Variants in CTNNA3 observed in about 807,000 individuals in gnomAD.
The protein encoded by CTNNA3 is catenin alpha 3, also known as catenin alpha-3.
Under a neutral mutation model 95.7 loss-of-function variants are expected in CTNNA3, and 76 were observed. That is an observed-to-expected ratio of 0.79 (90% CI 0.66 to 0.96). The LOEUF (loss-of-function observed/expected upper bound fraction) is 0.96, where lower values mean the gene tolerates loss of function less well. CTNNA3 is among the 40% of genes least tolerant of loss of function. The probability of loss-of-function intolerance (pLI) is 0.00; values close to 1 mark genes in which losing one functional copy is unlikely to be tolerated. For missense variants in CTNNA3, 1,191 were observed against 1,089.8 expected, an observed-to-expected ratio of 1.09 and a Z score of -1.31; for synonymous variants, 431 against 374.4, an observed-to-expected ratio of 1.15 and a Z score of -1.74.
chr10:66,911,268 GCATTA>G (rs1248485510), intron 7 of CTNNA3, among the ~76,000 whole-genome samples: 2 of 152,182 alleles, frequency 1.3e-5, no homozygotes, highest in African/African-American at 2.4e-5. Flanking sequence ...AGAATGCCAT[GCATTA>G]AATTCAAGTT....
At chr10:66,660,673 G>A (rs1460625016) in intron 9 of CTNNA3, among the ~76,000 whole-genome samples, 2 of 152,128 alleles carry the variant, frequency 1.3e-5, no homozygotes, top group Non-Finnish European at 2.9e-5. Flanking sequence ...TCCCTAGAAT[G>A]ATTTCTCCTC....
chr10:66,638,414 A>T lies in CTNNA3; in HGVS notation c.1282-16630T>A, dbSNP rs536332419. 6.7e-3 allele frequency among the ~76,000 whole-genome samples: 1,026 copies of T among 152,250 alleles called. 14 individuals are homozygous for T. Among genetic ancestry groups the T allele is most frequent in the Middle Eastern group, 0.014 (4 of 294 alleles). ...CTAGAAGCGGACTTTAATTGAATAT[A>T]ATATCCTCCCGCCGCCGCCCACCCC... On this transcript the variant is annotated intron_variant, in intron 9 of 17. Coordinates refer to ENST00000433211, the MANE Select transcript of CTNNA3 (RefSeq NM_013266.4).
intron 16 of CTNNA3, among the ~76,000 whole-genome samples, chr10:65,974,871 C>A (rs770760264): frequency 3.9e-5 from 6 of 151,902 alleles, no homozygotes; most frequent in Non-Finnish European, 8.8e-5. Flanking sequence ...TTTTGTATAT[C>A]TTAAATATAT....
At chr10:66,629,803 G>T (rs1845069355) in intron 9 of CTNNA3, among the ~76,000 whole-genome samples, 1 of 151,978 alleles carries the variant, frequency 6.6e-6, no homozygotes, top group African/African-American at 2.4e-5. Flanking sequence ...GTTCTCTGTT[G>T]GCTGGAATGC....
At chr10:66,867,789 TAC>T (rs1448083666) in intron 7 of CTNNA3, among the ~76,000 whole-genome samples, 1 of 151,654 alleles carries the variant, frequency 6.6e-6, no homozygotes, top group African/African-American at 2.4e-5. Context: ...TTTTTCAATG[TAC>T]AGATACACAT....
intron 5 of CTNNA3, among the ~76,000 whole-genome samples, chr10:67,438,119 G>A (rs549018460): frequency 6.6e-6 from 1 of 152,244 alleles, no homozygotes; most frequent in Non-Finnish European, 1.5e-5. Flanking sequence ...GGGTCAGGGA[G>A]CACTACCGAC....
chr10:66,664,654 CT>C (rs1358733964), intron 9 of CTNNA3, among the ~76,000 whole-genome samples: 3 of 151,936 alleles, frequency 2.0e-5, no homozygotes, highest in Non-Finnish European at 2.9e-5. Context: ...TGTTCCGTCT[CT>C]CCTACTCTTC....
chr10:67,469,621 C>A (rs142090759), intron 5 of CTNNA3, among the ~76,000 whole-genome samples: 1,822 of 150,920 alleles, frequency 0.012, 21 homozygotes, highest in Non-Finnish European at 0.018. Flanking sequence ...GGGTGGGGGG[C>A]TAGAAGAGTG....
At chr10:66,054,909 G>A (rs2080045537) in intron 15 of CTNNA3, among the ~76,000 whole-genome samples, 1 of 152,168 alleles carries the variant, frequency 6.6e-6, no homozygotes, top group East Asian at 1.9e-4. Context: ...TATAGTGAGA[G>A]ATAGAGGTCT....
intron 4 of CTNNA3, among the ~76,000 whole-genome samples, chr10:67,536,195 T>C (rs1840481155): frequency 6.6e-6 from 1 of 152,108 alleles, no homozygotes; most frequent in African/African-American, 2.4e-5. Flanking sequence ...TCAAAAAATT[T>C]TTAGCCTAGA....
Position 67,743,861 on chromosome 10 carries a change from GACAA to G in CTNNA3, c.-2+19569_-2+19572del, listed in dbSNP as rs563661019. Among the ~76,000 whole-genome samples, 1,302 of 150,994 alleles carry G rather than the reference GACAA, an allele frequency of 8.6e-3. 35 individuals carry two copies. The highest frequency in any genetic ancestry group is 0.029 in the African/African-American group (1,207 of 41,298). On this transcript the variant is annotated intron_variant, in intron 1 of 17. Coordinates refer to the CTNNA3 transcript ENST00000684154. ...CAAGCATTCTTATACACCAATAACA[GACAA>G]ACAGAGAGCCAAATCATGAGTGAAC...
chr10:66,677,306 T>C (rs10740248), intron 9 of CTNNA3, among the ~76,000 whole-genome samples: 136,633 of 152,134 alleles, frequency 0.9, 61,558 homozygotes, highest in East Asian at 1. Context: ...TAGTGAAGAA[T>C]TAGCACTTTG....
At chr10:67,249,073 C>T (rs1866010659) in intron 5 of CTNNA3, among the ~76,000 whole-genome samples, 1 of 151,830 alleles carries the variant, frequency 6.6e-6, no homozygotes, top group African/African-American at 2.4e-5. Context: ...GCACAAACAG[C>T]AAAAGAAAAG....
chr10:66,280,555 AC>A lies in CTNNA3; in HGVS notation c.1798del (p.Val600CysfsTer26). 1 of 1,609,538 alleles carries A rather than the reference AC, an allele frequency of 6.2e-7. No homozygotes were observed. The highest frequency in any genetic ancestry group is 8.5e-7 in the Non-Finnish European group (1 of 1,177,354). On this transcript the variant is annotated frameshift_variant, in exon 13 of 18. Coordinates refer to ENST00000433211, the MANE Select transcript of CTNNA3 (RefSeq NM_013266.4). LOFTEE classifies it high-confidence loss of function. Reference sequence around the variant, plus strand: ...GTCCACAAATTGATTATCATCCAACACATTCAATGAGCTTTTGCTTAAGGCT... The same window carrying A: ...GTCCACAAATTGATTATCATCCAACAATTCAATGAGCTTTTGCTTAAGGCT... ...LEALSKSSLN[V>X]LDDNQFVDIS... is the part of the protein sequence containing the mutation.
At chr10:67,131,548 T>C (rs1216570547) in intron 7 of CTNNA3, among the ~76,000 whole-genome samples, 1 of 152,030 alleles carries the variant, frequency 6.6e-6, no homozygotes, top group Non-Finnish European at 1.5e-5. Flanking sequence ...GGAGGCTTGG[T>C]TCCCACTGCA....
chr10:66,462,166 C>T (rs929421286), intron 11 of CTNNA3, among the ~76,000 whole-genome samples: 1 of 151,874 alleles, frequency 6.6e-6, no homozygotes, highest in South Asian at 2.1e-4. Context: ...ATATAAATTC[C>T]CTCCATATAG....
intron 9 of CTNNA3, among the ~76,000 whole-genome samples, chr10:66,752,810 C>A (rs1277455838): frequency 2.0e-5 from 3 of 151,978 alleles, no homozygotes; most frequent in Non-Finnish European, 4.4e-5. Context: ...TCTCAGATGA[C>A]ATGATCTTGT....
chr10:66,936,318 T>G (rs763490479), intron 7 of CTNNA3, among the ~76,000 whole-genome samples: 6 of 151,774 alleles, frequency 4.0e-5, no homozygotes, highest in Non-Finnish European at 5.9e-5. Context: ...TTTCTTAATG[T>G]TAAAAAAAAA....
intron 5 of CTNNA3, among the ~76,000 whole-genome samples, chr10:67,288,782 C>T (rs1839706720): frequency 1.3e-5 from 2 of 152,102 alleles, no homozygotes; most frequent in South Asian, 4.1e-4. Context: ...TTCCAAAATC[C>T]TCTGTCTGTC....
Sources: gnomAD v4.1 joint callset for allele counts (sites outside exome capture counted in the v4.1 genomes callset) on GRCh38, gnomAD v4.1.1 for gene constraint, MANE v1.5 for transcripts, NCBI Gene and HGNC (gene_info 2026-07-23, HGNC 2026-07-21) for gene names.